MARCHF2: variants seen among roughly 807,000 people sequenced by gnomAD.
MARCHF2 encodes the protein E3 ubiquitin-protein ligase MARCHF2.
MARCHF2 carries 22 observed loss-of-function variants against 24.0 expected under a neutral mutation model. The ratio of observed to expected loss-of-function variants is 0.92; its 90% CI spans 0.66 to 1.31. The LOEUF (loss-of-function observed/expected upper bound fraction) is 1.31, where lower values mean the gene tolerates loss of function less well. Ranked by LOEUF, MARCHF2 falls within the 50% of genes most tolerant of loss-of-function variation. The pLI is 0.00. For missense variants in MARCHF2, 301 were observed against 335.3 expected, an observed-to-expected ratio of 0.90 and a Z score of 0.80; for synonymous variants, 154 against 153.0, an observed-to-expected ratio of 1.01 and a Z score of -0.05.
At chr19:8,428,666 A>G (rs1258847570) in intron 3 of MARCHF2, among the ~76,000 whole-genome samples, 1 of 147,058 alleles carries the variant, frequency 6.8e-6, no homozygotes, top group Non-Finnish European at 1.5e-5. Context: ...AAAAAAAAAA[A>G]AAAAAAAAAA....
At chr19:8,426,179 C>T (rs1426558255) in intron 2 of MARCHF2, among the ~76,000 whole-genome samples, 1 of 138,512 alleles carries the variant, frequency 7.2e-6, no homozygotes, top group Non-Finnish European at 1.5e-5. Context: ...TGCAGTGAGC[C>T]GAGATCGCAC....
intron 4 of MARCHF2, among the ~76,000 whole-genome samples, chr19:8,432,409 T>C (rs990507054): frequency 2.0e-5 from 3 of 152,116 alleles, no homozygotes; most frequent in African/African-American, 7.2e-5. Context: ...CACTCTCAGC[T>C]ACTCTGGAGG....
At chr19:8,432,946 T>G (rs920638951) in intron 4 of MARCHF2, among the ~76,000 whole-genome samples, 3 of 151,900 alleles carry the variant, frequency 2.0e-5, no homozygotes, top group African/African-American at 7.3e-5. Context: ...GGGCTGGGCA[T>G]GGTGACTCAC....
chr19:8,428,940 A>T (rs189659009), intron 3 of MARCHF2, among the ~76,000 whole-genome samples: 155 of 148,000 alleles, frequency 1.0e-3, no homozygotes, highest in African/African-American at 3.9e-3. Flanking sequence ...CGTCTCAAAA[A>T]ACAAAAAACA....
intron 4 of MARCHF2, among the ~76,000 whole-genome samples, chr19:8,432,219 C>T (rs544179162): frequency 6.6e-6 from 1 of 151,936 alleles, no homozygotes; most frequent in Admixed American, 6.6e-5. Flanking sequence ...GAGAGAGGAA[C>T]TGAGATGAAA....
rs776075619 is a variant in MARCHF2 at position 8,438,788 on chromosome 19, C to T, written c.*242C>T. 3.7e-5 allele frequency: 16 copies of T among 435,262 alleles called. No individual in the cohort carries two copies. Among genetic ancestry groups the T allele is most frequent in the South Asian group, 6.3e-5 (2 of 31,588 alleles). The allele number at this position is 435,262 out of a possible 1,614,324, so 27.0% of individuals were successfully genotyped here. A position where few individuals can be genotyped will look rare whatever the true frequency, so the allele number is the denominator to read the frequency against. Reference sequence around the variant, plus strand: ...GGTGGACATGGTCCTGAGCTCTGGACGGAGCAGGCACCCTGATCTCATTCT... The same window carrying T: ...GGTGGACATGGTCCTGAGCTCTGGATGGAGCAGGCACCCTGATCTCATTCT... On this transcript the variant is annotated 3_prime_UTR_variant, in exon 5 of 5. Coordinates refer to ENST00000215555, the MANE Select transcript of MARCHF2 (RefSeq NM_001005415.2).
intron 4 of MARCHF2, among the ~76,000 whole-genome samples, chr19:8,431,108 C>T (rs976208753): frequency 6.6e-6 from 1 of 152,166 alleles, no homozygotes; most frequent in Non-Finnish European, 1.5e-5. Flanking sequence ...CAGGAACCCC[C>T]ATCCATGAAC....
chr19:8,417,600 A>G (rs1967115587), intron 1 of MARCHF2, among the ~76,000 whole-genome samples: 1 of 151,682 alleles, frequency 6.6e-6, no homozygotes, highest in African/African-American at 2.4e-5. Context: ...ACCATGCCCA[A>G]GTAATTTTTG....
chr19:8,433,944 G>A (rs956689183), intron 4 of MARCHF2, among the ~76,000 whole-genome samples: 3 of 151,664 alleles, frequency 2.0e-5, no homozygotes, highest in African/African-American at 7.3e-5. Context: ...ATTGTTCTAG[G>A]CCTCTGGTAG....
At chr19:8,438,323 C>T in intron 4 of MARCHF2, 65 bp from the exon 5 acceptor site, 2 of 1,566,786 alleles carry the variant, frequency 1.3e-6, no homozygotes, top group South Asian at 1.1e-5. Context: ...GCAGGTGCCA[C>T]CACGGCGACT....
intron 4 of MARCHF2, among the ~76,000 whole-genome samples, chr19:8,433,272 G>A (rs1420394846): frequency 9.2e-5 from 14 of 151,948 alleles, no homozygotes; most frequent in Admixed American, 9.2e-4. Flanking sequence ...GCTGGGTGCA[G>A]TGGCTCATGC....
chr19:8,416,018 C>T (rs567073742), intron 1 of MARCHF2, among the ~76,000 whole-genome samples: 3 of 152,096 alleles, frequency 2.0e-5, no homozygotes, highest in East Asian at 1.9e-4. Context: ...GGCTCTCTCA[C>T]GCTGTTCTTA....
chr19:8,431,607 C>G (rs1280775500), intron 4 of MARCHF2, among the ~76,000 whole-genome samples: 2 of 151,622 alleles, frequency 1.3e-5, no homozygotes, highest in African/African-American at 4.8e-5. Context: ...GAGGCCAAGG[C>G]AGGTGGATCA....
At chr19:8,415,931 G>A (rs1967075550) in intron 1 of MARCHF2, among the ~76,000 whole-genome samples, 1 of 152,036 alleles carries the variant, frequency 6.6e-6, no homozygotes, top group Admixed American at 6.6e-5. Context: ...TGTGGTTTGA[G>A]TGGACCTCTA....
At chr19:8,426,540 C>T (rs943626159) in intron 2 of MARCHF2, 69 bp from the exon 3 acceptor site, 8 of 1,306,156 alleles carry the variant, frequency 6.1e-6, no homozygotes, top group Middle Eastern at 1.9e-4. Flanking sequence ...GCTTGTGATC[C>T]AGTGGGTAGT....
chr19:8,424,114 A>C (rs1405488991), intron 2 of MARCHF2, among the ~76,000 whole-genome samples: 1 of 152,154 alleles, frequency 6.6e-6, no homozygotes, highest in African/African-American at 2.4e-5. Flanking sequence ...TTTGGGAAAC[A>C]GTGACTCATG....
chr19:8,426,806 T>G lies in MARCHF2; in HGVS notation c.372+2T>G. On this transcript the variant is annotated splice_donor_variant, in intron 3 of 4. Transcript: ENST00000215555. LOFTEE classifies it high-confidence loss of function. ...AAACGGCCTCGACCCCTCACAGAGG[T>G]ACCCTTAAGAGTCTGAGACTGCGGT... 6.2e-7 allele frequency: 1 copy of G among 1,611,702 alleles called. No individual in the cohort carries two copies. The highest frequency in any genetic ancestry group is 1.1e-5 in the South Asian group (1 of 90,974).
At chr19:8,415,093 A>G (rs1226809420) in intron 1 of MARCHF2, among the ~76,000 whole-genome samples, 1 of 152,140 alleles carries the variant, frequency 6.6e-6, no homozygotes, top group African/African-American at 2.4e-5. Context: ...GTTTGTTGTG[A>G]AGACTCAATG....
At chr19:8,423,985 CAAAAAAA>C (rs142383974) in intron 2 of MARCHF2, among the ~76,000 whole-genome samples, 5 of 104,934 alleles carry the variant, frequency 4.8e-5, no homozygotes, top group African/African-American at 1.7e-4. Context: ...CTGGGTGACT[CAAAAAAA>C]AAAAAAAAAA....
Sources: allele counts gnomAD v4.1 joint callset (sites outside exome capture counted in the v4.1 genomes callset), GRCh38; gene constraint gnomAD v4.1.1; transcripts MANE v1.5; gene names NCBI Gene and HGNC (gene_info 2026-07-23, HGNC 2026-07-21).